The following LMF1 variants were observed in gnomAD, a reference collection of about 807,000 sequenced individuals.
LMF1 encodes the protein lipase maturation factor 1.
LMF1 carries 68 observed loss-of-function variants against 60.6 expected under a neutral mutation model. The observed-to-expected ratio is 1.12, with a 90% CI of 0.92 to 1.37. The LOEUF is 1.37. Among genes scored for constraint, LMF1 ranks in the 40% most tolerant of loss-of-function variants. LMF1 has a pLI of 0.00. For synonymous variants in LMF1, 418 were observed against 324.7 expected (o/e 1.29, Z -3.09); for missense variants, 948 against 767.2 (o/e 1.24, Z -2.78).
intron 4 of LMF1, among the ~76,000 whole-genome samples, chr16:907,744 A>ACACTCTGCTGCTGT: frequency 6.6e-6 from 1 of 152,228 alleles, no homozygotes; most frequent in East Asian, 1.9e-4. Context: ...CAGCAGGTGG[A>ACACTCTGCTGCTGT]CACTCTGCTG....
chr16:870,076 G>C lies in LMF1; in HGVS notation c.1233-10C>G. The C allele has an allele frequency of 2.5e-6, 4 of 1,603,232 alleles. No homozygotes were observed. Among genetic ancestry groups the C allele is most frequent in the South Asian group, 2.2e-5 (2 of 90,806 alleles). On this transcript the variant is annotated splice_polypyrimidine_tract_variant and intron_variant, in intron 8 of 10. Coordinates refer to ENST00000262301, the MANE Select transcript of LMF1 (RefSeq NM_022773.4). ...CCGCTCCTTGGTGATGCTGCCGGGAGACCGAGGCAGGCCAGGCCCACGTCA... is the reference window on the plus strand; with the variant it reads ...CCGCTCCTTGGTGATGCTGCCGGGACACCGAGGCAGGCCAGGCCCACGTCA...
At chr16:919,019 G>A (rs544465619) in intron 3 of LMF1, among the ~76,000 whole-genome samples, 69 of 152,230 alleles carry the variant, frequency 4.5e-4, no homozygotes, top group Middle Eastern at 3.4e-3. Context: ...GCTGGAGCCC[G>A]CACAGCACAG....
intron 4 of LMF1, among the ~76,000 whole-genome samples, chr16:908,976 T>TG (rs750232885): frequency 6.6e-6 from 1 of 152,124 alleles, no homozygotes; most frequent in Non-Finnish European, 1.5e-5. Flanking sequence ...CACCTTGTCC[T>TG]GGGGGGTGAG....
upstream of LMF1, chr16:970,988 G>T: frequency 6.7e-7 from 1 of 1,483,756 alleles, no homozygotes; most frequent in South Asian, 1.3e-5. Context: ...CATGTGCGGG[G>T]AGGGCGCACT....
At chr16:936,847 A>G (rs1391605144) in intron 2 of LMF1, among the ~76,000 whole-genome samples, 2 of 152,224 alleles carry the variant, frequency 1.3e-5, no homozygotes, top group Non-Finnish European at 2.9e-5. Flanking sequence ...GCACACCTGT[A>G]GTCCCAGTGA....
chr16:946,989 G>A (rs1190319904), intron 2 of LMF1, among the ~76,000 whole-genome samples: 3 of 152,252 alleles, frequency 2.0e-5, no homozygotes, highest in Non-Finnish European at 2.9e-5. Context: ...AGGTAACTCT[G>A]TTGTTTCAGA....
intron 5 of LMF1, among the ~76,000 whole-genome samples, chr16:883,556 C>T (rs537665454): frequency 6.6e-6 from 1 of 152,342 alleles, no homozygotes; most frequent in African/African-American, 2.4e-5. Flanking sequence ...CTTTCTGAGT[C>T]TTTGGGTAAC....
At chr16:869,226 C>T (rs2069703608) in intron 9 of LMF1, 170 bp from the exon 10 acceptor site, 1 of 664,308 alleles carries the variant, frequency 1.5e-6, no homozygotes, top group Non-Finnish European at 2.7e-6. Context: ...GGGCTGCCTG[C>T]TTCGTGTAGC....
At chr16:894,047 C>G in intron 4 of LMF1, among the ~76,000 whole-genome samples, 1 of 150,560 alleles carries the variant, frequency 6.6e-6, no homozygotes, top group Admixed American at 6.6e-5. Context: ...CCACTCGTCC[C>G]CTGTCCACCA....
At chr16:914,165 G>C (rs763357278) in intron 3 of LMF1, among the ~76,000 whole-genome samples, 41 of 151,646 alleles carry the variant, frequency 2.7e-4, no homozygotes, top group Non-Finnish European at 1.3e-4. Flanking sequence ...GGGCCACCCC[G>C]ACCCCTCCTA....
intron 2 of LMF1, chr16:952,522 G>C (rs1466586703): frequency 6.5e-6 from 1 of 152,788 alleles, no homozygotes; most frequent in Non-Finnish European, 1.5e-5. Context: ...CCCTGACCAG[G>C]ATGGAAAACA....
At chr16:913,471 C>T (rs1026802830) in intron 3 of LMF1, among the ~76,000 whole-genome samples, 1 of 152,258 alleles carries the variant, frequency 6.6e-6, no homozygotes, top group African/African-American at 2.4e-5. Context: ...TGCCCTGGCG[C>T]CTCGCCCGGT....
intron 4 of LMF1, among the ~76,000 whole-genome samples, chr16:895,172 G>C (rs2070628173): frequency 6.6e-6 from 1 of 152,124 alleles, no homozygotes; most frequent in Non-Finnish European, 1.5e-5. Flanking sequence ...AGGCCTGCCG[G>C]GGCCATCAGG....
intron 3 of LMF1, among the ~76,000 whole-genome samples, chr16:914,636 A>C (rs2071224461): frequency 0.015 from 21 of 1,448 alleles, no homozygotes; most frequent in Admixed American, 0.021. Context: ...TTGGTGACAC[A>C]CTCCCTCCCT....
intron 1 of LMF1, chr16:964,161 C>T: frequency 2.2e-6 from 1 of 455,270 alleles, no homozygotes; most frequent in South Asian, 1.5e-5. Flanking sequence ...CTGGGCGTGG[C>T]AGCCTGTGCC....
chr16:865,213 G>A (rs1303914500), intron 10 of LMF1, among the ~76,000 whole-genome samples: 1 of 152,090 alleles, frequency 6.6e-6, no homozygotes, highest in East Asian at 1.9e-4. Flanking sequence ...ATGTCCATTT[G>A]CCCTCATCCA....
At chr16:857,189 T>A (rs1420609229) in intron 10 of LMF1, among the ~76,000 whole-genome samples, 1 of 152,238 alleles carries the variant, frequency 6.6e-6, no homozygotes, top group Admixed American at 6.5e-5. Flanking sequence ...CTGAGCTCTT[T>A]GCAGTTTTTG....
intron 5 of LMF1, among the ~76,000 whole-genome samples, chr16:886,107 C>G (rs556049404): frequency 2.6e-5 from 4 of 152,210 alleles, no homozygotes; most frequent in Admixed American, 1.3e-4. Context: ...GTGCATGTTA[C>G]GACATTTGAT....
chr16:956,122 AT>A (rs1212211504), intron 1 of LMF1, among the ~76,000 whole-genome samples: 2 of 72,542 alleles, frequency 2.8e-5, no homozygotes, highest in Non-Finnish European at 4.6e-5. Context: ...CCACCCCACA[AT>A]GGCACTGTCA....
Sources: gnomAD v4.1 joint callset for allele counts (sites outside exome capture counted in the v4.1 genomes callset) on GRCh38, gnomAD v4.1.1 for gene constraint, MANE v1.5 for transcripts, NCBI Gene and HGNC (gene_info 2026-07-23, HGNC 2026-07-21) for gene names.